Variants in CNTNAP5 observed in about 807,000 individuals in gnomAD.
CNTNAP5 encodes the protein contactin-associated protein-like 5.
A neutral mutation model predicts 150.2 loss-of-function variants in CNTNAP5; 72 were observed. The ratio of observed to expected loss-of-function variants is 0.48; its 90% CI spans 0.40 to 0.58. The LOEUF is 0.58. CNTNAP5 is among the 20% of genes least tolerant of loss of function. The pLI is 0.00. For missense variants in CNTNAP5, 1,636 were observed against 1,626.2 expected (o/e 1.01, Z -0.10); for synonymous variants, 672 against 619.8 (o/e 1.08, Z -1.25).
Position 124,869,560 on chromosome 2 carries a change from AG to A in CNTNAP5, c.3349-114del, listed in dbSNP as rs1677701307. 2 of 652,776 alleles carry A rather than the reference AG, an allele frequency of 3.1e-6. 1 individual carries two copies. The highest frequency in any genetic ancestry group is 3.6e-5 in the South Asian group (2 of 55,076). The allele number at this position is 652,776 out of a possible 1,614,324, so 40.4% of individuals were successfully genotyped here. On this transcript the variant is annotated intron_variant, in intron 20 of 23. Transcript: ENST00000682447. ...CTAATCTCTCCTGAGAGAAAATCTC[AG>A]AGGGGGGTCTGCTATCTGTATGCAT...
At chr2:124,225,280 T>C (rs1686427828) in intron 2 of CNTNAP5, among the ~76,000 whole-genome samples, 1 of 152,130 alleles carries the variant, frequency 6.6e-6, no homozygotes, top group African/African-American at 2.4e-5. Context: ...GTAGATGTCA[T>C]TGTGATCTCT....
chr2:124,428,886 C>T (rs1457925486), intron 4 of CNTNAP5, among the ~76,000 whole-genome samples: 2 of 133,998 alleles, frequency 1.5e-5, no homozygotes, highest in African/African-American at 5.7e-5. Context: ...GTTTTTGGTA[C>T]CTTTAAATCT....
At chr2:124,072,659 C>T (rs1261620669) in intron 1 of CNTNAP5, among the ~76,000 whole-genome samples, 1 of 151,224 alleles carries the variant, frequency 6.6e-6, no homozygotes, top group Non-Finnish European at 1.5e-5. Flanking sequence ...AGGAATCAAC[C>T]AGAAAATGAA....
intron 13 of CNTNAP5, among the ~76,000 whole-genome samples, chr2:124,688,784 A>C (rs1679244087): frequency 6.6e-6 from 1 of 152,114 alleles, no homozygotes; most frequent in Non-Finnish European, 1.5e-5. Flanking sequence ...ATAATAGCCC[A>C]CATCTGAGAG....
At chr2:124,737,668 T>C (rs1001965947) in intron 13 of CNTNAP5, among the ~76,000 whole-genome samples, 46 of 152,114 alleles carry the variant, frequency 3.0e-4, no homozygotes, top group Admixed American at 3.3e-4. Flanking sequence ...ACTTTAAAAG[T>C]CCCTTTTGGA....
At chr2:124,405,174 C>A (rs1573970832) in intron 3 of CNTNAP5, among the ~76,000 whole-genome samples, 1 of 152,262 alleles carries the variant, frequency 6.6e-6, no homozygotes, top group Non-Finnish European at 1.5e-5. Flanking sequence ...TCTCTCTGAG[C>A]CCCAGGGTTT....
At chr2:124,028,023 A>G (rs1680945777) in intron 1 of CNTNAP5, among the ~76,000 whole-genome samples, 1 of 152,174 alleles carries the variant, frequency 6.6e-6, no homozygotes, top group South Asian at 2.1e-4. Context: ...ATAATCAATT[A>G]ATATTTGTAT....
chr2:124,918,725 T>C lies in CNTNAP5; in HGVS notation c.*4437T>C, dbSNP rs1167606080. Among the ~76,000 whole-genome samples the C allele has an allele frequency of 6.6e-6, 1 of 152,118 alleles. No individual in the cohort carries two copies. Among genetic ancestry groups the C allele is most frequent in the Non-Finnish European group, 1.5e-5 (1 of 68,004 alleles). On this transcript the variant is annotated 3_prime_UTR_variant, in exon 24 of 24. Coordinates refer to ENST00000682447, the MANE Select transcript of CNTNAP5 (RefSeq NM_001367498.1). ...GATACCTGTATGGTTCTGCCAGTCA[T>C]TCTTCCTTAATGAAAAGGCTTGGAC...
At chr2:124,223,831 A>G (rs140099508) in intron 2 of CNTNAP5, among the ~76,000 whole-genome samples, 1 of 151,446 alleles carries the variant, frequency 6.6e-6, no homozygotes, top group East Asian at 2.0e-4. Flanking sequence ...GTTTCCCAAC[A>G]AGAGTCTAAA....
chr2:124,306,485 C>A (rs902209091), intron 3 of CNTNAP5, among the ~76,000 whole-genome samples: 3 of 152,144 alleles, frequency 2.0e-5, no homozygotes, highest in African/African-American at 7.2e-5. Context: ...AGGAATATGA[C>A]CTATGTTGGT....
chr2:124,697,243 A>G (rs2105085662), intron 13 of CNTNAP5, among the ~76,000 whole-genome samples: 1 of 152,252 alleles, frequency 6.6e-6, no homozygotes, highest in East Asian at 1.9e-4. Context: ...ATGGGCCCAT[A>G]TTGATAAATG....
At chr2:124,622,562 G>C (rs1003976941) in intron 12 of CNTNAP5, among the ~76,000 whole-genome samples, 1 of 151,862 alleles carries the variant, frequency 6.6e-6, no homozygotes, top group Non-Finnish European at 1.5e-5. Flanking sequence ...TTCCACAATG[G>C]GCGAACTAAT....
intron 1 of CNTNAP5, among the ~76,000 whole-genome samples, chr2:124,105,823 T>C (rs1452132738): frequency 6.6e-6 from 1 of 152,164 alleles, no homozygotes; most frequent in African/African-American, 2.4e-5. Context: ...GTTGTCTGCA[T>C]TATTTCCATG....
intron 3 of CNTNAP5, among the ~76,000 whole-genome samples, chr2:124,342,461 T>C (rs1689641924): frequency 6.6e-6 from 1 of 152,304 alleles, no homozygotes; most frequent in African/African-American, 2.4e-5. Context: ...ACTAGACCAG[T>C]TTCCAGGGGG....
At chr2:124,671,531 T>G (rs1678824026) in intron 13 of CNTNAP5, among the ~76,000 whole-genome samples, 1 of 152,224 alleles carries the variant, frequency 6.6e-6, no homozygotes, top group African/African-American at 2.4e-5. Context: ...TAAGTGATCT[T>G]TCAAGACTTT....
chr2:124,554,377 G>A (rs1378706776), intron 10 of CNTNAP5, among the ~76,000 whole-genome samples: 1 of 150,486 alleles, frequency 6.6e-6, no homozygotes, highest in South Asian at 2.1e-4. Flanking sequence ...TTTTACTAAG[G>A]AAGATTTCAA....
intron 3 of CNTNAP5, among the ~76,000 whole-genome samples, chr2:124,318,747 G>C (rs74574209): frequency 0.067 from 10,241 of 152,062 alleles, 417 homozygotes; most frequent in Non-Finnish European, 0.09. Context: ...TGTTCCCTAA[G>C]CCAGAAACCC....
chr2:124,658,496 A>C (rs1297345615), intron 13 of CNTNAP5, among the ~76,000 whole-genome samples: 1 of 131,892 alleles, frequency 7.6e-6, no homozygotes, highest in African/African-American at 3.1e-5. Flanking sequence ...CAAACAAACC[A>C]AAAAAAAAAA....
At chr2:124,088,014 G>T (rs1682732514) in intron 1 of CNTNAP5, among the ~76,000 whole-genome samples, 1 of 152,076 alleles carries the variant, frequency 6.6e-6, no homozygotes, top group Non-Finnish European at 1.5e-5. Flanking sequence ...GAAGTTTTCA[G>T]CCATTATTCA....
Sources: gnomAD v4.1 joint callset for allele counts (sites outside exome capture counted in the v4.1 genomes callset) on GRCh38, gnomAD v4.1.1 for gene constraint, MANE v1.5 for transcripts, NCBI Gene and HGNC (gene_info 2026-07-23, HGNC 2026-07-21) for gene names.